SAMMSON: variants seen among roughly 807,000 people sequenced by gnomAD.
SAMMSON encodes the protein survival associated mitochondrial melanoma specific oncogenic non-coding RNA.
chr3:70,307,359 T>A (rs2106706769), intron 7 of SAMMSON, among the ~76,000 whole-genome samples: 1 of 152,274 alleles, frequency 6.6e-6, no homozygotes, highest in African/African-American at 2.4e-5. Context: ...AAACTGCAAA[T>A]GGCAACAATT....
At chr3:70,290,138 G>A (rs1299133221) in intron 6 of SAMMSON, among the ~76,000 whole-genome samples, 2 of 152,138 alleles carry the variant, frequency 1.3e-5, no homozygotes, top group African/African-American at 4.8e-5. Flanking sequence ...GAGGCGCTCT[G>A]CTTTTTAGAG....
chr3:70,075,850 A>G (rs2067246596), intron 4 of SAMMSON, among the ~76,000 whole-genome samples: 1 of 147,936 alleles, frequency 6.8e-6, no homozygotes, highest in Admixed American at 6.8e-5. Flanking sequence ...CTTTTGGAAA[A>G]TGTTTTCTAT....
chr3:70,313,601 A>G (rs970632408), intron 7 of SAMMSON, among the ~76,000 whole-genome samples: 2 of 152,044 alleles, frequency 1.3e-5, no homozygotes, highest in African/African-American at 4.8e-5. Flanking sequence ...AAAAGTTGTC[A>G]TTTTTCTCAT....
chr3:70,019,499 T>G (rs939585711), intron 3 of SAMMSON, among the ~76,000 whole-genome samples: 1 of 152,356 alleles, frequency 6.6e-6, no homozygotes, highest in African/African-American at 2.4e-5. Context: ...ATGGGTCTCC[T>G]GAATACAGCG....
At chr3:70,240,088 A>G (rs1201445248) in intron 4 of SAMMSON, among the ~76,000 whole-genome samples, 1 of 152,122 alleles carries the variant, frequency 6.6e-6, no homozygotes. Context: ...TACACAGGAC[A>G]TTTCTTTAAC....
chr3:70,251,337 A>G (rs1701766058), intron 6 of SAMMSON, among the ~76,000 whole-genome samples: 1 of 152,092 alleles, frequency 6.6e-6, no homozygotes, highest in Non-Finnish European at 1.5e-5. Context: ...TTCATTTTCT[A>G]TGTTCATTGT....
chr3:70,035,875 A>T (rs1488487156), intron 3 of SAMMSON, among the ~76,000 whole-genome samples: 1 of 152,196 alleles, frequency 6.6e-6, no homozygotes, highest in Non-Finnish European at 1.5e-5. Flanking sequence ...ATCCTATATC[A>T]TAGGTAATGT....
intron 7 of SAMMSON, among the ~76,000 whole-genome samples, chr3:70,310,448 C>T (rs1473036736): frequency 6.6e-6 from 1 of 150,648 alleles, no homozygotes; most frequent in Non-Finnish European, 1.5e-5. Flanking sequence ...TCACTGCAAC[C>T]TCTGCCTCCC....
At chr3:70,062,195 A>C (rs1247164796) in intron 3 of SAMMSON, among the ~76,000 whole-genome samples, 1 of 151,972 alleles carries the variant, frequency 6.6e-6, no homozygotes, top group African/African-American at 2.4e-5. Flanking sequence ...ATGCCCATAC[A>C]AATAATAATA....
At chr3:70,244,575 A>G (rs1701689234) in intron 4 of SAMMSON, among the ~76,000 whole-genome samples, 1 of 152,248 alleles carries the variant, frequency 6.6e-6, no homozygotes, top group South Asian at 2.1e-4. Context: ...AGAAGAGACA[A>G]GATTGACTGG....
intron 3 of SAMMSON, among the ~76,000 whole-genome samples, chr3:70,061,437 A>G (rs1280620277): frequency 6.6e-6 from 1 of 152,162 alleles, no homozygotes; most frequent in Non-Finnish European, 1.5e-5. Context: ...TTGTAACAAC[A>G]TACACATCGA....
chr3:70,389,069 C>T lies in SAMMSON; in HGVS notation n.914-505C>T, dbSNP rs139532747. Among the ~76,000 whole-genome samples, 153 of 152,120 alleles carry T rather than the reference C, an allele frequency of 1.0e-3. 1 individual carries two copies. Among genetic ancestry groups the T allele is most frequent in the Middle Eastern group, 3.4e-3 (1 of 294 alleles). On this transcript the variant is annotated intron_variant and non_coding_transcript_variant, in intron 9 of 9. Coordinates refer to ENST00000642114, the Ensembl canonical transcript of SAMMSON. ...GTTTCTCTCTTGCTTCCTCTCTTGC[C>T]GTGGGACCTCTTTGCACATACCCAT...
At chr3:70,032,333 G>C (rs1459228674) in intron 3 of SAMMSON, among the ~76,000 whole-genome samples, 1 of 152,070 alleles carries the variant, frequency 6.6e-6, no homozygotes, top group Non-Finnish European at 1.5e-5. Flanking sequence ...ATAGCCACTT[G>C]CTTAAATTAT....
chr3:70,116,078 A>G (rs1408416415), intron 4 of SAMMSON, among the ~76,000 whole-genome samples: 2 of 152,086 alleles, frequency 1.3e-5, no homozygotes, highest in Admixed American at 6.6e-5. Flanking sequence ...GCACAAATCT[A>G]ATCACTAGGT....
In SAMMSON at chr3:70,182,463, G is replaced by T. The variant is rs537622623; in HGVS notation, n.508-66644G>T. ...GTGTTTTATGGGGGGAGAGTGTTCAGGGTACAATTGGAATTAGGAGAGCTT... is the reference window on the plus strand; with the variant it reads ...GTGTTTTATGGGGGGAGAGTGTTCATGGTACAATTGGAATTAGGAGAGCTT... On this transcript the variant is annotated intron_variant and non_coding_transcript_variant, in intron 4 of 9. Coordinates refer to ENST00000642114, the Ensembl canonical transcript of SAMMSON. Among the ~76,000 whole-genome samples, 87 of 152,230 alleles carry T rather than the reference G, an allele frequency of 5.7e-4. 1 individual carries two copies. The Middle Eastern group carries it at 0.01, about 18-fold the overall frequency.
chr3:69,999,772 A>T (rs1013120709), upstream of SAMMSON: 70 of 152,540 alleles, frequency 4.6e-4, no homozygotes, highest in African/African-American at 1.5e-3. Context: ...TGAGGAACAC[A>T]TCCGGGGAAG....
intron 4 of SAMMSON, among the ~76,000 whole-genome samples, chr3:70,193,400 C>T (rs1048066664): frequency 2.6e-5 from 4 of 152,172 alleles, no homozygotes; most frequent in Non-Finnish European, 5.9e-5. Context: ...CTCATGCCAT[C>T]CTTTCACCTC....
rs1250629613 is a variant in SAMMSON at position 70,322,412 on chromosome 3, T to C, written n.739+31169T>C. 3.9e-5 allele frequency among the ~76,000 whole-genome samples: 6 copies of C among 152,268 alleles called. No individual in the cohort carries two copies. In the South Asian group the frequency reaches 1.0e-3, roughly 26 times the overall value. On this transcript the variant is annotated intron_variant and non_coding_transcript_variant, in intron 7 of 9. Transcript: ENST00000642114. ...CCTAATTGTCAAGTTCTTTGTCATCTTGACTGTGTCTTTGCTTTTGTAGTT... is the reference window on the plus strand; with the variant it reads ...CCTAATTGTCAAGTTCTTTGTCATCCTGACTGTGTCTTTGCTTTTGTAGTT...
At chr3:70,216,519 T>A (rs576918982) in intron 4 of SAMMSON, among the ~76,000 whole-genome samples, 2 of 152,080 alleles carry the variant, frequency 1.3e-5, no homozygotes, top group East Asian at 3.9e-4. Flanking sequence ...TAGTAAGTGA[T>A]GGAGCTAGAA....
Sources: gnomAD v4.1 joint callset for allele counts (sites outside exome capture counted in the v4.1 genomes callset) on GRCh38, gnomAD v4.1.1 for gene constraint, MANE v1.5 for transcripts, NCBI Gene and HGNC (gene_info 2026-07-23, HGNC 2026-07-21) for gene names.